AMD1: variants seen among roughly 807,000 people sequenced by gnomAD.
The protein encoded by AMD1 is adenosylmethionine decarboxylase 1, also known as S-adenosylmethionine decarboxylase proenzyme.
A neutral mutation model predicts 40.2 loss-of-function variants in AMD1; 11 were observed. The ratio of observed to expected loss-of-function variants is 0.27; its 90% CI spans 0.17 to 0.45. The LOEUF is 0.45. Ranked by LOEUF, AMD1 falls within the 20% of genes least tolerant of loss-of-function variation. The pLI is 1.00. For missense variants in AMD1, 257 were observed against 410.2 expected (o/e 0.63, Z 3.23); for synonymous variants, 121 against 130.8 (o/e 0.93, Z 0.51).
rs1386513899 is a variant in AMD1, at chr6:110,876,673, G to GC, written c.110+1459dup. ...GTCTATAGCGCTTACTACGTGCCAG[G>GC]CTCACGTGAGATTATAGGAAGCGGA... On this transcript the variant is annotated intron_variant, in intron 1 of 8. Coordinates refer to ENST00000368885, the MANE Select transcript of AMD1 (RefSeq NM_001634.6). Among the ~76,000 whole-genome samples the GC allele has an allele frequency of 2.0e-5, 3 of 152,180 alleles. No individual in the cohort carries two copies. In the East Asian group the frequency reaches 5.8e-4, roughly 29 times the overall value.
At chr6:110,862,765 C>T in the AMD1 span, among the ~76,000 whole-genome samples, 7,339 of 151,656 alleles carry the variant, frequency 0.048, 193 homozygotes, top group Middle Eastern at 0.072. Context: ...CCACTGCACT[C>T]GGCCTATTTA....
chr6:110,830,902 AC>A, the AMD1 span, among the ~76,000 whole-genome samples: 1 of 152,028 alleles, frequency 6.6e-6, no homozygotes, highest in African/African-American at 2.4e-5. Flanking sequence ...GGCACATACC[AC>A]CATGCCTGGC....
chr6:110,857,856 A>G, the AMD1 span, among the ~76,000 whole-genome samples: 1 of 150,666 alleles, frequency 6.6e-6, no homozygotes, highest in Non-Finnish European at 1.5e-5. Context: ...TGAATTAGAG[A>G]CAGGGTCTCG....
the AMD1 span, among the ~76,000 whole-genome samples, chr6:110,841,310 C>T: frequency 6.6e-6 from 1 of 152,236 alleles, no homozygotes; most frequent in Non-Finnish European, 1.5e-5. Flanking sequence ...AGACTAACTT[C>T]CTTCAAGCCT....
At chr6:110,871,331 G>A (rs897715576), upstream of AMD1, among the ~76,000 whole-genome samples, 5 of 152,344 alleles carry the variant, frequency 3.3e-5, no homozygotes, top group Admixed American at 2.6e-4. Flanking sequence ...ACCAAGTGAG[G>A]TGGCAAAGTG....
intron 1 of AMD1, among the ~76,000 whole-genome samples, chr6:110,884,442 A>G (rs112902814): frequency 1.1e-4 from 16 of 152,266 alleles, no homozygotes; most frequent in African/African-American, 3.8e-4. Context: ...AAGGGTGAAT[A>G]CTTTGTTTTA....
chr6:110,854,129 C>A, the AMD1 span, among the ~76,000 whole-genome samples: 3 of 152,008 alleles, frequency 2.0e-5, no homozygotes, highest in Admixed American at 6.6e-5. Context: ...TACTTTTTTT[C>A]TTTACTAAAG....
the AMD1 span, among the ~76,000 whole-genome samples, chr6:110,824,658 T>A: frequency 7.9e-5 from 12 of 152,148 alleles, no homozygotes; most frequent in Admixed American, 4.6e-4. Flanking sequence ...TTTGGTAACA[T>A]TCAAACATCA....
the AMD1 span, among the ~76,000 whole-genome samples, chr6:110,866,702 C>A: frequency 2.6e-5 from 4 of 151,982 alleles, no homozygotes; most frequent in Admixed American, 2.6e-4. Context: ...TAAAGGAACT[C>A]CTGTTTTTCA....
chr6:110,825,421 T>C, the AMD1 span, among the ~76,000 whole-genome samples: 2 of 151,802 alleles, frequency 1.3e-5, no homozygotes, highest in Admixed American at 1.3e-4. Flanking sequence ...CCATCCTCTT[T>C]GTCTTAAATC....
chr6:110,869,572 T>G, the AMD1 span, among the ~76,000 whole-genome samples: 1 of 151,594 alleles, frequency 6.6e-6, no homozygotes, highest in South Asian at 2.1e-4. Flanking sequence ...TGCAATGGTG[T>G]GATCTCAGCT....
chr6:110,865,316 G>A, the AMD1 span, among the ~76,000 whole-genome samples: 1 of 152,192 alleles, frequency 6.6e-6, no homozygotes, highest in South Asian at 2.1e-4. Flanking sequence ...TTAAATGTTT[G>A]TATAGATGTA....
chr6:110,870,475 T>C (rs890905532), upstream of AMD1, among the ~76,000 whole-genome samples: 17 of 151,794 alleles, frequency 1.1e-4, no homozygotes, highest in African/African-American at 4.1e-4. Flanking sequence ...ATACAAAAAT[T>C]AGCCAGGCAT....
In AMD1 at chr6:110,892,418, G is replaced by A. The variant is rs1786074915; in HGVS notation, c.590G>A (p.Gly197Asp). Residue 197 changes from glycine to aspartate, a missense_variant, in exon 6 of 9, where the codon GGT becomes GAT. By Grantham distance (94) the Gly-to-Asp change is moderately conservative. Transcript: ENST00000368885. ...ATGGACCAGTTCTACATGAAAGATG[G>A]TGTTACTGCAAAGGATGTCACTCGT... ...AVMDQFYMKD[G>D]VTAKDVTRES... is the part of the protein sequence containing the mutation. 1.2e-6 allele frequency: 2 copies of A among 1,612,322 alleles called. No individual in the cohort carries two copies. The highest frequency in any genetic ancestry group is 1.1e-5 in the South Asian group (1 of 90,994).
At chr6:110,817,788 A>C in the AMD1 span, among the ~76,000 whole-genome samples, 1 of 152,234 alleles carries the variant, frequency 6.6e-6, no homozygotes, top group African/African-American at 2.4e-5. Context: ...CACTGGTAGA[A>C]TAGGCGGGGT....
chr6:110,883,564 A>G (rs1165306702), intron 1 of AMD1, among the ~76,000 whole-genome samples: 1 of 152,162 alleles, frequency 6.6e-6, no homozygotes, highest in East Asian at 1.9e-4. Flanking sequence ...GCAGATGTCT[A>G]AAACAACGAG....
chr6:110,884,456 G>A (rs1038322502), intron 1 of AMD1, among the ~76,000 whole-genome samples: 1 of 152,158 alleles, frequency 6.6e-6, no homozygotes. Flanking sequence ...TGTTTTAAGA[G>A]AGGGTCTTGC....
chr6:110,859,216 CT>C, the AMD1 span: 104 of 634,862 alleles, frequency 1.6e-4, no homozygotes, highest in Middle Eastern at 5.3e-4. Context: ...GTGTTTTCAT[CT>C]TTTTTTTTCT....
intron 1 of AMD1, among the ~76,000 whole-genome samples, chr6:110,883,590 T>C (rs1785519593): frequency 6.6e-6 from 1 of 152,138 alleles, no homozygotes; most frequent in Non-Finnish European, 1.5e-5. Flanking sequence ...GGAATCATTT[T>C]TTGTTTGTTG....
Sources: gnomAD v4.1 joint callset for allele counts (sites outside exome capture counted in the v4.1 genomes callset) on GRCh38, gnomAD v4.1.1 for gene constraint, MANE v1.5 for transcripts, NCBI Gene and HGNC (gene_info 2026-07-23, HGNC 2026-07-21) for gene names.